The following MSR1 variants were observed in gnomAD, a reference collection of about 807,000 sequenced individuals.
MSR1 encodes the protein macrophage scavenger receptor types I and II.
In MSR1, 53 loss-of-function variants were observed where a neutral mutation model predicts 47.2. That is an observed-to-expected ratio of 1.12 (90% confidence interval 0.90 to 1.41). The LOEUF is 1.41. Ranked by LOEUF, MSR1 falls within the 40% of genes most tolerant of loss-of-function variation. The pLI is 0.00. For missense variants in MSR1, 786 were observed against 546.9 expected, an observed-to-expected ratio of 1.44 and a Z score of -4.36; for synonymous variants, 239 against 185.6, an observed-to-expected ratio of 1.29 and a Z score of -2.34.
chr8:16,143,618 A>G lies in MSR1; in HGVS notation c.980-7T>C. On this transcript the variant is annotated splice_polypyrimidine_tract_variant and splice_region_variant and intron_variant, in intron 7 of 9. Coordinates refer to ENST00000262101, the MANE Select transcript of MSR1 (RefSeq NM_138715.3). ...CCTTTTGGTCCAGAATTTCCTTGAG[A>G]AAAGAAGAAAAATATTTGTTTTTAA... 6.2e-7 allele frequency: 1 copy of G among 1,610,330 alleles called. No homozygotes were observed. The highest frequency in any genetic ancestry group is 8.5e-7 in the Non-Finnish European group (1 of 1,177,628).
At chr8:16,187,512 T>A (rs1248246880) in intron 1 of MSR1, among the ~76,000 whole-genome samples, 1 of 151,802 alleles carries the variant, frequency 6.6e-6, no homozygotes, top group Non-Finnish European at 1.5e-5. Context: ...CCCAAAAACA[T>A]ATATTCCTTA....
chr8:16,133,196 T>A (rs979071132), intron 8 of MSR1, among the ~76,000 whole-genome samples: 4 of 152,160 alleles, frequency 2.6e-5, no homozygotes, highest in Non-Finnish European at 5.9e-5. Flanking sequence ...CTCCATCAAG[T>A]TCAAGACACT....
intron 8 of MSR1, among the ~76,000 whole-genome samples, chr8:16,126,509 C>T (rs1439875293): frequency 2.6e-5 from 4 of 152,052 alleles, no homozygotes. Context: ...GTTCTCACAA[C>T]ATGGCAAAAT....
intron 9 of MSR1, among the ~76,000 whole-genome samples, chr8:16,120,012 A>C (rs1164568809): frequency 6.6e-6 from 1 of 151,876 alleles, no homozygotes; most frequent in East Asian, 1.9e-4. Flanking sequence ...CACTGTACCA[A>C]GCCTAGACTA....
At chr8:16,189,441 ATATATAAAATCT>A (rs1802112052) in intron 1 of MSR1, among the ~76,000 whole-genome samples, 2 of 93,518 alleles carry the variant, frequency 2.1e-5, no homozygotes, top group Non-Finnish European at 3.6e-5. Flanking sequence ...CATATTTTAT[ATATATAAAATCT>A]TATTTTATAT....
intron 6 of MSR1, among the ~76,000 whole-genome samples, chr8:16,154,540 G>C (rs34382093): frequency 6.6e-6 from 1 of 151,978 alleles, no homozygotes; most frequent in Non-Finnish European, 1.5e-5. Context: ...TTTACATTCA[G>C]ATTTCATTAG....
intron 2 of MSR1, 24 bp downstream of exon 2, chr8:16,177,862 G>T: frequency 6.3e-7 from 1 of 1,586,510 alleles, no homozygotes; most frequent in Non-Finnish European, 8.7e-7. Context: ...AACCTCCATG[G>T]GCAGCCCATC....
chr8:16,167,462 T>G (rs900317896), intron 4 of MSR1, among the ~76,000 whole-genome samples: 1 of 152,062 alleles, frequency 6.6e-6, no homozygotes, highest in African/African-American at 2.4e-5. Flanking sequence ...CGAGAATCAC[T>G]TGAACCTGGG....
chr8:16,183,608 G>A (rs1463251299), intron 1 of MSR1, among the ~76,000 whole-genome samples: 2 of 126,090 alleles, frequency 1.6e-5, no homozygotes, highest in Admixed American at 9.6e-5. Flanking sequence ...TTATATAATA[G>A]GCAAATATAT....
At chr8:16,137,726 C>T (rs552121842) in intron 8 of MSR1, among the ~76,000 whole-genome samples, 3 of 152,206 alleles carry the variant, frequency 2.0e-5, no homozygotes, top group African/African-American at 4.8e-5. Flanking sequence ...GGTGTAGTGG[C>T]TCACACCTGT....
At chr8:16,166,324 A>AT (rs5889635) in intron 4 of MSR1, among the ~76,000 whole-genome samples, 69,895 of 145,322 alleles carry the variant, frequency 0.48, 17,270 homozygotes, top group East Asian at 0.76. Context: ...CACCTGACTA[A>AT]TTTTTTTTTT....
intron 1 of MSR1, among the ~76,000 whole-genome samples, chr8:16,186,901 T>A (rs888421028): frequency 6.6e-6 from 1 of 152,074 alleles, no homozygotes; most frequent in Non-Finnish European, 1.5e-5. Flanking sequence ...ACACATGAGC[T>A]ATTGAGCATG....
chr8:16,129,911 A>G (rs1417525153), intron 8 of MSR1, among the ~76,000 whole-genome samples: 1 of 152,178 alleles, frequency 6.6e-6, no homozygotes, highest in South Asian at 2.1e-4. Flanking sequence ...CTTACTGCAG[A>G]ATAGGAAGCC....
intron 8 of MSR1, among the ~76,000 whole-genome samples, chr8:16,135,822 T>C (rs1454869531): frequency 6.6e-6 from 1 of 152,108 alleles, no homozygotes; most frequent in East Asian, 1.9e-4. Context: ...CCAACCCTCA[T>C]GAATGACTGT....
intron 5 of MSR1, among the ~76,000 whole-genome samples, chr8:16,161,493 T>C (rs1239840918): frequency 6.6e-6 from 1 of 152,028 alleles, no homozygotes; most frequent in Non-Finnish European, 1.5e-5. Context: ...TGATAAATAC[T>C]ATATATGATA....
chr8:16,177,472 C>G (rs1158113982), intron 2 of MSR1, among the ~76,000 whole-genome samples: 1 of 151,788 alleles, frequency 6.6e-6, no homozygotes, highest in Non-Finnish European at 1.5e-5. Context: ...GGCACATGGT[C>G]TTTCTGACAC....
Position 16,186,864 on chromosome 8 carries a change from C to G in MSR1, c.-5+5734G>C, listed in dbSNP as rs976899006. Among the ~76,000 whole-genome samples, 8 of 152,060 alleles carry G rather than the reference C, an allele frequency of 5.3e-5. 1 individual carries two copies. The South Asian group carries it at 8.3e-4, about 16-fold the overall frequency. ...CTTTAGCCTCAAGCAATCTACCCAC[C>G]TCAGCCTCCCAAATTTTTGGCATTA... On this transcript the variant is annotated intron_variant, in intron 1 of 9. Transcript: ENST00000262101.
At chr8:16,148,077 CT>C (rs1440679534) in intron 7 of MSR1, among the ~76,000 whole-genome samples, 2 of 152,152 alleles carry the variant, frequency 1.3e-5, no homozygotes, top group Non-Finnish European at 2.9e-5. Context: ...TTCTAGGCCT[CT>C]TTTAGTCCAG....
intron 1 of MSR1, among the ~76,000 whole-genome samples, chr8:16,189,964 G>C (rs1405863367): frequency 7.1e-6 from 1 of 140,850 alleles, no homozygotes; most frequent in Admixed American, 7.8e-5. Flanking sequence ...ACCCAGGCTG[G>C]AGTGTAATGG....
Sources: gnomAD v4.1 joint callset for allele counts (sites outside exome capture counted in the v4.1 genomes callset) on GRCh38, gnomAD v4.1.1 for gene constraint, MANE v1.5 for transcripts, NCBI Gene and HGNC (gene_info 2026-07-23, HGNC 2026-07-21) for gene names.